Variants in MAN1C1 observed in about 807,000 individuals in gnomAD.
MAN1C1 encodes mannosyl-oligosaccharide 1,2-alpha-mannosidase IC.
MAN1C1 carries 49 observed loss-of-function variants against 71.5 expected under a neutral mutation model. The observed-to-expected ratio is 0.69, with a 90% CI of 0.54 to 0.87. The LOEUF is 0.87. Ranked by LOEUF, MAN1C1 falls within the 40% of genes least tolerant of loss-of-function variation. The pLI, the probability that MAN1C1 is intolerant of heterozygous loss-of-function variation, is 0.00. For synonymous variants in MAN1C1, 352 were observed against 343.7 expected, an observed-to-expected ratio of 1.02 and a Z score of -0.27; for missense variants, 743 against 835.0, an observed-to-expected ratio of 0.89 and a Z score of 1.36.
intron 1 of MAN1C1, among the ~76,000 whole-genome samples, chr1:25,626,159 C>T (rs1007229664): frequency 6.6e-6 from 1 of 152,206 alleles, no homozygotes; most frequent in Non-Finnish European, 1.5e-5. Context: ...TTATAAGAAA[C>T]TGGAAGCGCT....
intron 1 of MAN1C1, among the ~76,000 whole-genome samples, chr1:25,668,750 G>A (rs942971554): frequency 2.0e-5 from 3 of 151,912 alleles, no homozygotes; most frequent in Non-Finnish European, 2.9e-5. Context: ...AGTAGAGACG[G>A]GGTTTCACCA....
At chr1:25,633,535 C>CT (rs766455245) in intron 1 of MAN1C1, among the ~76,000 whole-genome samples, 200 of 102,190 alleles carry the variant, frequency 2.0e-3, no homozygotes, top group South Asian at 4.0e-3. Flanking sequence ...CCTTGTTTGT[C>CT]TTTTTTTTTT....
intron 1 of MAN1C1, among the ~76,000 whole-genome samples, chr1:25,680,054 A>G (rs2046129964): frequency 6.6e-6 from 1 of 151,172 alleles, no homozygotes. Context: ...TTTAAAGTAT[A>G]AATTTTAGTC....
chr1:25,768,345 CCACA>C (rs200461421), intron 7 of MAN1C1, among the ~76,000 whole-genome samples: 6 of 97,244 alleles, frequency 6.2e-5, no homozygotes, highest in Non-Finnish European at 8.5e-5. Flanking sequence ...CTCACACACA[CCACA>C]CACACACATT....
At chr1:25,745,477 A>C (rs2047116009) in intron 2 of MAN1C1, among the ~76,000 whole-genome samples, 1 of 152,142 alleles carries the variant, frequency 6.6e-6, no homozygotes, top group Non-Finnish European at 1.5e-5. Context: ...TTACACTTTG[A>C]TGTACAATAA....
intron 1 of MAN1C1, among the ~76,000 whole-genome samples, chr1:25,639,357 C>T (rs1260852202): frequency 6.6e-6 from 1 of 152,142 alleles, no homozygotes; most frequent in Non-Finnish European, 1.5e-5. Flanking sequence ...TATTGACTGA[C>T]TTATCTGCTG....
At chr1:25,670,862 C>A (rs1487602500) in intron 1 of MAN1C1, among the ~76,000 whole-genome samples, 5 of 152,162 alleles carry the variant, frequency 3.3e-5, no homozygotes, top group African/African-American at 1.2e-4. Context: ...TAGCCTCTTG[C>A]ATCCATTGCC....
intron 2 of MAN1C1, among the ~76,000 whole-genome samples, chr1:25,737,745 G>C (rs1229511008): frequency 6.6e-6 from 1 of 152,076 alleles, no homozygotes; most frequent in African/African-American, 2.4e-5. Flanking sequence ...CTGCTTGGTG[G>C]CTCAGGAACG....
Position 25,653,031 on chromosome 1 carries a change from G to A in MAN1C1, c.541-33409G>A, listed in dbSNP as rs1004151567. Among the ~76,000 whole-genome samples the A allele has an allele frequency of 2.6e-5, 4 of 151,976 alleles. No individual in the cohort carries two copies. In the East Asian group the frequency reaches 7.7e-4, roughly 29 times the overall value. On this transcript the variant is annotated intron_variant, in intron 1 of 11. Transcript: ENST00000374332. ...TCTGCCCATCTTGACCTCCCAAAGTGCTGGGATTATCAGTATGAGCCACCA... is the reference window on the plus strand; with the variant it reads ...TCTGCCCATCTTGACCTCCCAAAGTACTGGGATTATCAGTATGAGCCACCA...
chr1:25,649,760 C>T (rs924423593), intron 1 of MAN1C1, among the ~76,000 whole-genome samples: 4 of 152,178 alleles, frequency 2.6e-5, no homozygotes, highest in Non-Finnish European at 2.9e-5. Context: ...GCCTCAGCTT[C>T]TCGAGTAGCT....
Position 25,656,095 on chromosome 1 carries a change from C to CTTTTTTTTTTTTTTTTTTTTTTTTT in MAN1C1, c.541-30323_541-30322insTTTTTTTTTTTTTTTTTTTTTTTTT, listed in dbSNP as rs59710145. Reference sequence around the variant, plus strand: ...TATGTCTTAGGTTGGGATTATCAGTCTTTTTTTTTTTTTTTTTTTTTTGAG... The same window carrying CTTTTTTTTTTTTTTTTTTTTTTTTT: ...TATGTCTTAGGTTGGGATTATCAGTCTTTTTTTTTTTTTTTTTTTTTTTTTTTTTTTTTTTTTTTTTTTTTTTGAG... On this transcript the variant is annotated intron_variant, in intron 1 of 11. Transcript: ENST00000374332. Among the ~76,000 whole-genome samples, 14 of 74,978 alleles carry CTTTTTTTTTTTTTTTTTTTTTTTTT rather than the reference C, an allele frequency of 1.9e-4. 4 individuals carry two copies. Among genetic ancestry groups the CTTTTTTTTTTTTTTTTTTTTTTTTT allele is most frequent in the African/African-American group, 9.8e-4 (12 of 12,208 alleles). The allele number at this position is 74,978 out of a possible 152,430, so 49.2% of individuals were successfully genotyped here.
Position 25,626,525 on chromosome 1 carries a change from A to AT in MAN1C1, c.540+8194dup, listed in dbSNP as rs538725110. On this transcript the variant is annotated intron_variant, in intron 1 of 11. Coordinates refer to ENST00000374332, the MANE Select transcript of MAN1C1 (RefSeq NM_020379.4). The stretch of plus-strand genomic sequence containing the variant: ...AGGTGTCCGCCACCACGCCTGGCTC[A>AT]TTTTTTGTATTTTTAGTAGAGATGG... Among the ~76,000 whole-genome samples, 975 of 151,816 alleles carry AT rather than the reference A, an allele frequency of 6.4e-3. 7 individuals carry two copies. Among genetic ancestry groups the AT allele is most frequent in the Middle Eastern group, 0.014 (4 of 294 alleles).
At chr1:25,732,457 C>G (rs1290517604) in intron 2 of MAN1C1, among the ~76,000 whole-genome samples, 2 of 152,230 alleles carry the variant, frequency 1.3e-5, no homozygotes, top group Non-Finnish European at 2.9e-5. Context: ...ATCTGTAAAA[C>G]AGGGGCAGGA....
intron 1 of MAN1C1, among the ~76,000 whole-genome samples, chr1:25,624,845 C>T (rs1353147241): frequency 3.3e-5 from 5 of 152,104 alleles, no homozygotes; most frequent in Non-Finnish European, 5.9e-5. Flanking sequence ...TGCAATGCAG[C>T]GATGTCCTGT....
At chr1:25,674,315 G>A (rs935188165) in intron 1 of MAN1C1, among the ~76,000 whole-genome samples, 4 of 152,166 alleles carry the variant, frequency 2.6e-5, no homozygotes, top group African/African-American at 9.7e-5. Context: ...CAGCCCTAGA[G>A]GTTGCCTCGT....
chr1:25,742,705 C>T (rs770388207), intron 2 of MAN1C1, among the ~76,000 whole-genome samples: 5 of 152,172 alleles, frequency 3.3e-5, no homozygotes, highest in Non-Finnish European at 7.3e-5. Context: ...ATGAGGGAAA[C>T]GAGGCACAAA....
At position 25,757,433 on chromosome 1, in the gene MAN1C1, G is replaced by A. The variant is rs527982886; in HGVS notation, c.930-1159G>A. Among the ~76,000 whole-genome samples, 7 of 152,226 alleles carry A rather than the reference G, an allele frequency of 4.6e-5. No individual in the cohort carries two copies. In the South Asian group the frequency reaches 1.4e-3, roughly 32 times the overall value. ...CCACCACAGCCTTCCTGCAGACCCT[G>A]TGCCCTTGGTTGTCCTAAATATCCC... On this transcript the variant is annotated intron_variant, in intron 5 of 11. Transcript: ENST00000374332.
chr1:25,677,846 CT>C (rs772618301), intron 1 of MAN1C1, among the ~76,000 whole-genome samples: 2,638 of 98,278 alleles, frequency 0.027, 162 homozygotes, highest in African/African-American at 0.12. Context: ...TAAAGACCTC[CT>C]TTTTTTTTTT....
intron 2 of MAN1C1, among the ~76,000 whole-genome samples, chr1:25,723,296 G>A (rs1036621291): frequency 6.6e-5 from 10 of 152,246 alleles, no homozygotes; most frequent in Non-Finnish European, 8.8e-5. Context: ...TTTCTTGGCA[G>A]AAGTAGGAAG....
Sources: gnomAD v4.1 joint callset for allele counts (sites outside exome capture counted in the v4.1 genomes callset) on GRCh38, gnomAD v4.1.1 for gene constraint, MANE v1.5 for transcripts, NCBI Gene and HGNC (gene_info 2026-07-23, HGNC 2026-07-21) for gene names.